KMT2C: variants seen among roughly 807,000 people sequenced by gnomAD.
KMT2C encodes the protein histone-lysine N-methyltransferase 2C.
In KMT2C, 88 loss-of-function variants were observed where a neutral mutation model predicts 507.9. The observed-to-expected ratio is 0.17, with a 90% CI of 0.15 to 0.21. The LOEUF (loss-of-function observed/expected upper bound fraction) is 0.21, where lower values mean the gene tolerates loss of function less well. KMT2C is among the 10% of genes least tolerant of loss of function. KMT2C has a pLI of 1.00. For synonymous variants in KMT2C, 2,049 were observed against 2,080.8 expected, an observed-to-expected ratio of 0.98 and a Z score of 0.42; for missense variants, 4,954 against 5,957.8, an observed-to-expected ratio of 0.83 and a Z score of 5.55.
intron 1 of KMT2C, among the ~76,000 whole-genome samples, chr7:152,409,563 CAAAAAAA>C (rs367688749): frequency 6.1e-5 from 6 of 98,738 alleles, no homozygotes; most frequent in Admixed American, 2.3e-4. Flanking sequence ...GCTAAAAATA[CAAAAAAA>C]AAAAAAAAAA....
chr7:152,253,851 G>T (rs2095603489), intron 9 of KMT2C, among the ~76,000 whole-genome samples: 1 of 152,176 alleles, frequency 6.6e-6, no homozygotes, highest in Non-Finnish European at 1.5e-5. Context: ...GAAGTAAAAG[G>T]CCAACCAGAG....
At chr7:152,418,513 C>T (rs1309066446) in intron 1 of KMT2C, among the ~76,000 whole-genome samples, 14 of 152,104 alleles carry the variant, frequency 9.2e-5, no homozygotes, top group Admixed American at 8.5e-4. Flanking sequence ...TCACTGCAAC[C>T]TCCACCTCCC....
chr7:152,428,121 A>T (rs369089589), intron 1 of KMT2C, among the ~76,000 whole-genome samples: 68 of 152,298 alleles, frequency 4.5e-4, no homozygotes, highest in African/African-American at 1.6e-3. Context: ...GTAATTTAGT[A>T]AGGTTCCTAT....
intron 22 of KMT2C, among the ~76,000 whole-genome samples, chr7:152,221,558 A>T (rs2094772658): frequency 6.6e-6 from 1 of 152,214 alleles, no homozygotes; most frequent in Non-Finnish European, 1.5e-5. Context: ...ACATTTTTGT[A>T]TCAGGTGCTA....
rs769543265 is a variant in KMT2C at position 152,252,535 on chromosome 7, T to C, written c.1469+11A>G. 4.1e-5 allele frequency: 65 copies of C among 1,603,800 alleles called. No homozygotes were observed. Among genetic ancestry groups the C allele is most frequent in the Non-Finnish European group, 5.5e-5 (64 of 1,172,068 alleles). Reference sequence around the variant, plus strand: ...CGACAAAACAACTGAATAGAATAACTATCTTCTTACCTTTTGCACATATTA... The same window carrying C: ...CGACAAAACAACTGAATAGAATAACCATCTTCTTACCTTTTGCACATATTA... On this transcript the variant is annotated intron_variant, in intron 10 of 58. Coordinates refer to ENST00000262189, the MANE Select transcript of KMT2C (RefSeq NM_170606.3).
intron 6 of KMT2C, among the ~76,000 whole-genome samples, chr7:152,291,927 T>C (rs1240035654): frequency 6.6e-6 from 1 of 152,212 alleles, no homozygotes; most frequent in Non-Finnish European, 1.5e-5. Context: ...TGGTTTTCCT[T>C]GCTTGGCTAA....
chr7:152,382,172 AC>A (rs1366145003), intron 1 of KMT2C, among the ~76,000 whole-genome samples: 15 of 152,232 alleles, frequency 9.9e-5, no homozygotes, highest in Non-Finnish European at 1.5e-4. Flanking sequence ...ATTCTGAGAT[AC>A]ATAAACAACC....
At chr7:152,226,219 CTTT>C (rs869076803) in intron 18 of KMT2C, among the ~76,000 whole-genome samples, 16 of 94,942 alleles carry the variant, frequency 1.7e-4, no homozygotes, top group African/African-American at 5.8e-4. Context: ...ATTACAAGGC[CTTT>C]TTTTTTTTTT....
rs143537352 is a variant in KMT2C at position 152,369,152 on chromosome 7, G to A, written c.162-10477C>T. Among the ~76,000 whole-genome samples the A allele has an allele frequency of 4.7e-4, 72 of 152,090 alleles. 1 individual carries two copies. Among genetic ancestry groups the A allele is most frequent in the Admixed American group, 1.9e-3 (29 of 15,268 alleles). On this transcript the variant is annotated intron_variant, in intron 1 of 58. Coordinates refer to ENST00000262189, the MANE Select transcript of KMT2C (RefSeq NM_170606.3). ...AGCCTGGCCAACATGGCAAAATCCTGTCTCCACTAAAAATACAAAAGTTGG... is the reference window on the plus strand; with the variant it reads ...AGCCTGGCCAACATGGCAAAATCCTATCTCCACTAAAAATACAAAAGTTGG...
At chr7:152,328,761 C>CT (rs2096853930) in intron 3 of KMT2C, among the ~76,000 whole-genome samples, 1 of 152,052 alleles carries the variant, frequency 6.6e-6, no homozygotes, top group African/African-American at 2.4e-5. Flanking sequence ...AGTTAAGACA[C>CT]TAACAAGTTG....
chr7:152,238,640 T>G, intron 15 of KMT2C, 67 bp downstream of exon 15: 1 of 1,517,994 alleles, frequency 6.6e-7, no homozygotes, highest in South Asian at 1.4e-5. Context: ...ATTTAATTCT[T>G]AACATCCAGT....
intron 23 of KMT2C, among the ~76,000 whole-genome samples, chr7:152,215,463 A>G (rs1255732322): frequency 8.0e-5 from 12 of 149,190 alleles, no homozygotes; most frequent in Admixed American, 7.3e-4. Flanking sequence ...GCAGTGAGCA[A>G]AGATCGTGCC....
intron 6 of KMT2C, among the ~76,000 whole-genome samples, chr7:152,296,094 A>G (rs1300583360): frequency 6.8e-6 from 1 of 146,386 alleles, no homozygotes; most frequent in Non-Finnish European, 1.5e-5. Flanking sequence ...AAAAAAAGAT[A>G]TGAACACTCA....
intron 31 of KMT2C, among the ~76,000 whole-genome samples, chr7:152,191,470 C>T (rs1008804707): frequency 6.6e-6 from 1 of 152,170 alleles, no homozygotes; most frequent in Non-Finnish European, 1.5e-5. Flanking sequence ...CGTATCTATT[C>T]CTTCCTTTCA....
intron 14 of KMT2C, among the ~76,000 whole-genome samples, chr7:152,244,117 T>C (rs1002643506): frequency 3.3e-5 from 5 of 152,224 alleles, no homozygotes; most frequent in Non-Finnish European, 5.9e-5. Flanking sequence ...AATTTCCACT[T>C]TATTTTCCAC....
intron 6 of KMT2C, 175 bp downstream of exon 6, chr7:152,309,791 G>C (rs1481382814): frequency 2.1e-6 from 1 of 486,736 alleles, no homozygotes; most frequent in Non-Finnish European, 3.7e-6. Flanking sequence ...AAAGTGCTGG[G>C]ATTACAGGTG....
intron 6 of KMT2C, among the ~76,000 whole-genome samples, chr7:152,302,959 G>A (rs950954772): frequency 2.0e-5 from 3 of 152,026 alleles, no homozygotes; most frequent in Non-Finnish European, 4.4e-5. Context: ...AGGAACTTTA[G>A]ATAAATAAAA....
Position 152,138,962 on chromosome 7 carries a change from A to G in KMT2C, c.14535-58T>C. 7.4e-7 allele frequency: 1 copy of G among 1,343,936 alleles called. No individual in the cohort carries two copies. Among genetic ancestry groups the G allele is most frequent in the Non-Finnish European group, 1.1e-6 (1 of 937,432 alleles). 83.3% of individuals were successfully genotyped at this position (1,343,936 alleles called of 1,614,324 possible). The stretch of plus-strand genomic sequence containing the variant: ...AAAACAGCTAGAAGCAGCTTTAAAA[A>G]CTTCCCATTTATTGATAAAGCAGTT... On this transcript the variant is annotated intron_variant, in intron 57 of 58. Coordinates refer to ENST00000262189, the MANE Select transcript of KMT2C (RefSeq NM_170606.3). This position sits in a 1 kb window ranked among gnomAD's most constrained non-coding sequence, Gnocchi z 4.2.
intron 8 of KMT2C, 54 bp downstream of exon 8, chr7:152,264,984 A>C: frequency 1.2e-6 from 2 of 1,604,110 alleles, no homozygotes; most frequent in Non-Finnish European, 1.7e-6. Flanking sequence ...AGCACCTAGT[A>C]ATAGGGTCCC....
Sources: allele counts gnomAD v4.1 joint callset (sites outside exome capture counted in the v4.1 genomes callset), GRCh38; gene constraint gnomAD v4.1.1; non-coding constraint Gnocchi (gnomAD v3.1); transcripts MANE v1.5; gene names NCBI Gene and HGNC (gene_info 2026-07-23, HGNC 2026-07-21).